The following FSTL4 variants were observed in gnomAD, a reference collection of about 807,000 sequenced individuals.
The protein encoded by FSTL4 is follistatin-related protein 4.
A neutral mutation model predicts 78.2 loss-of-function variants in FSTL4; 28 were observed. The observed-to-expected ratio is 0.36, with a 90% CI of 0.27 to 0.49. The LOEUF is 0.49. Among genes scored for constraint, FSTL4 ranks in the 20% least tolerant of loss-of-function variants. FSTL4 has a pLI of 0.98. For synonymous variants in FSTL4, 422 were observed against 440.5 expected, an observed-to-expected ratio of 0.96 and a Z score of 0.53; for missense variants, 922 against 1,084.9, an observed-to-expected ratio of 0.85 and a Z score of 2.11.
intron 3 of FSTL4, among the ~76,000 whole-genome samples, chr5:133,455,690 C>G (rs1580720454): frequency 6.6e-6 from 1 of 152,258 alleles, no homozygotes; most frequent in East Asian, 1.9e-4. Flanking sequence ...AGCTCAAGAC[C>G]ATATTCAAGG....
At chr5:133,553,042 T>C (rs944341569) in intron 3 of FSTL4, among the ~76,000 whole-genome samples, 1 of 152,190 alleles carries the variant, frequency 6.6e-6, no homozygotes, top group Non-Finnish European at 1.5e-5. Flanking sequence ...GTGCTCCAAC[T>C]GCAGCGGCTA....
At chr5:133,474,284 C>G (rs975516071) in intron 3 of FSTL4, among the ~76,000 whole-genome samples, 33 of 152,064 alleles carry the variant, frequency 2.2e-4, no homozygotes, top group African/African-American at 8.0e-4. Flanking sequence ...ACGTCCTCCA[C>G]GCATGCTGCC....
the FSTL4 span, among the ~76,000 whole-genome samples, chr5:133,624,939 C>T: frequency 6.6e-6 from 1 of 151,482 alleles, no homozygotes; most frequent in Non-Finnish European, 1.5e-5. Context: ...TTTAGAGCGT[C>T]TCTCATTTCT....
chr5:133,698,414 C>A, the FSTL4 span, among the ~76,000 whole-genome samples: 1 of 152,228 alleles, frequency 6.6e-6, no homozygotes, highest in African/African-American at 2.4e-5. Flanking sequence ...GAGTCCAAAT[C>A]CCAACTCTGC....
At chr5:133,536,714 T>A (rs1304471516) in intron 3 of FSTL4, among the ~76,000 whole-genome samples, 1 of 152,162 alleles carries the variant, frequency 6.6e-6, no homozygotes, top group Non-Finnish European at 1.5e-5. Context: ...TGCCTGAGAC[T>A]CATCAATTTT....
intron 3 of FSTL4, among the ~76,000 whole-genome samples, chr5:133,454,179 A>C (rs562861498): frequency 6.6e-5 from 10 of 152,358 alleles, no homozygotes; most frequent in African/African-American, 1.2e-4. Flanking sequence ...AAAGAAAAAA[A>C]AACAACAACA....
At chr5:133,442,231 A>G (rs981148060) in intron 3 of FSTL4, among the ~76,000 whole-genome samples, 4 of 152,240 alleles carry the variant, frequency 2.6e-5, no homozygotes, top group African/African-American at 9.6e-5. Flanking sequence ...GTGCCATGGG[A>G]TAACAAGATC....
At chr5:133,318,985 A>T (rs1182925448) in intron 4 of FSTL4, among the ~76,000 whole-genome samples, 2 of 152,198 alleles carry the variant, frequency 1.3e-5, no homozygotes. Flanking sequence ...AAGTCTGTAG[A>T]GCTACACGGA....
the FSTL4 span, among the ~76,000 whole-genome samples, chr5:133,724,347 C>A: frequency 2.0e-5 from 3 of 152,194 alleles, no homozygotes; most frequent in African/African-American, 7.2e-5. Context: ...GTGGCAGAGG[C>A]AAGGTGTTTC....
intron 2 of FSTL4, among the ~76,000 whole-genome samples, chr5:133,602,595 G>C (rs1240452772): frequency 6.6e-6 from 1 of 152,198 alleles, no homozygotes; most frequent in Non-Finnish European, 1.5e-5. Flanking sequence ...GTATGGATAT[G>C]AGTGTACTGA....
At chr5:133,813,375 G>A in the FSTL4 span, among the ~76,000 whole-genome samples, 1 of 151,834 alleles carries the variant, frequency 6.6e-6, no homozygotes, top group East Asian at 1.9e-4. Context: ...CACTTTTCTT[G>A]GTACCAAGGC....
chr5:133,634,174 A>T, the FSTL4 span, among the ~76,000 whole-genome samples: 1 of 152,104 alleles, frequency 6.6e-6, no homozygotes, highest in African/African-American at 2.4e-5. Context: ...CTCTGACACC[A>T]TTGTGGTGAT....
chr5:133,452,550 G>C (rs1757405998), intron 3 of FSTL4, among the ~76,000 whole-genome samples: 1 of 152,208 alleles, frequency 6.6e-6, no homozygotes, highest in African/African-American at 2.4e-5. Flanking sequence ...TAAGTGCTAG[G>C]CTCTGAGAGG....
chr5:133,808,339 A>G, the FSTL4 span, among the ~76,000 whole-genome samples: 30 of 152,326 alleles, frequency 2.0e-4, no homozygotes, highest in African/African-American at 6.7e-4. Flanking sequence ...CCCAGGACAG[A>G]GCAGGCTCAA....
the FSTL4 span, among the ~76,000 whole-genome samples, chr5:133,824,514 A>G: frequency 6.6e-6 from 1 of 152,328 alleles, no homozygotes; most frequent in African/African-American, 2.4e-5. Flanking sequence ...TTGCCAGGAA[A>G]GGGAGATGAA....
intron 3 of FSTL4, among the ~76,000 whole-genome samples, chr5:133,477,758 A>G (rs1225821054): frequency 6.6e-6 from 1 of 152,168 alleles, no homozygotes; most frequent in African/African-American, 2.4e-5. Context: ...ATCTTCTTCA[A>G]ACTTTATCTT....
At chr5:133,802,135 C>A in the FSTL4 span, among the ~76,000 whole-genome samples, 1 of 152,254 alleles carries the variant, frequency 6.6e-6, no homozygotes, top group African/African-American at 2.4e-5. Context: ...GGGTTGAACA[C>A]TTGACTTCCC....
chr5:133,755,157 CCTT>C, the FSTL4 span, among the ~76,000 whole-genome samples: 1 of 152,186 alleles, frequency 6.6e-6, no homozygotes, highest in Admixed American at 6.5e-5. Flanking sequence ...ATCACTCCCT[CCTT>C]CTGGCAACCA....
chr5:133,482,844 A>G (rs1758057083), intron 3 of FSTL4, among the ~76,000 whole-genome samples: 1 of 151,958 alleles, frequency 6.6e-6, no homozygotes, highest in African/African-American at 2.4e-5. Context: ...TTTCCTGGGA[A>G]TGATGACTCC....
Sources: allele counts gnomAD v4.1 joint callset (sites outside exome capture counted in the v4.1 genomes callset), GRCh38; gene constraint gnomAD v4.1.1; transcripts MANE v1.5; gene names NCBI Gene and HGNC (gene_info 2026-07-23, HGNC 2026-07-21).